The following KCNMB2 variants were observed in gnomAD, a reference collection of about 807,000 sequenced individuals.
KCNMB2 encodes the protein calcium-activated potassium channel subunit beta-2.
Under a neutral mutation model 24.5 loss-of-function variants are expected in KCNMB2, and 9 were observed. That is an observed-to-expected ratio of 0.37 (90% CI 0.22 to 0.64). KCNMB2 has a LOEUF of 0.64. KCNMB2 is among the 30% of genes least tolerant of loss of function. The probability of loss-of-function intolerance (pLI) is 0.63; values close to 1 mark genes in which losing one functional copy is unlikely to be tolerated. For synonymous variants in KCNMB2, 109 were observed against 104.4 expected (o/e 1.04, Z -0.27); for missense variants, 226 against 284.3 (o/e 0.79, Z 1.47).
intron 1 of KCNMB2, chr3:178,801,922 C>A (rs1238744323): frequency 6.6e-6 from 1 of 152,108 alleles, no homozygotes; most frequent in Non-Finnish European, 1.5e-5. Context: ...CCCCACAGTA[C>A]CTAGGACAGT....
At position 178,602,575 on chromosome 3, in the gene KCNMB2, G is replaced by T. The variant is rs1022700377; in HGVS notation, c.-68+65864G>T. On this transcript the variant is annotated intron_variant, in intron 1 of 4. Transcript: ENST00000452583. Reference sequence around the variant, plus strand: ...CTGGGTACTGGGAGGTTCGGGGGTGGGGGGGAGGAGTGATATGTAAGCAAA... The same window carrying T: ...CTGGGTACTGGGAGGTTCGGGGGTGTGGGGGAGGAGTGATATGTAAGCAAA... Among the ~76,000 whole-genome samples, 150 of 119,178 alleles carry T rather than the reference G, an allele frequency of 1.3e-3. 1 individual carries two copies. The highest frequency in any genetic ancestry group is 1.4e-3 in the Non-Finnish European group (71 of 49,910). The allele number at this position is 119,178 out of a possible 152,430, so 78.2% of individuals were successfully genotyped here.
intron 1 of KCNMB2, among the ~76,000 whole-genome samples, chr3:178,800,066 T>C (rs1313158715): frequency 6.6e-6 from 1 of 152,102 alleles, no homozygotes; most frequent in African/African-American, 2.4e-5. Flanking sequence ...TCTCAAACCA[T>C]GAAACCACTG....
intron 1 of KCNMB2, among the ~76,000 whole-genome samples, chr3:178,604,645 T>C (rs1031689584): frequency 2.0e-5 from 3 of 152,232 alleles, no homozygotes; most frequent in African/African-American, 7.2e-5. Context: ...TTTAAAATTA[T>C]GAAAATCCAG....
chr3:178,623,595 T>TAATAA lies in KCNMB2; in HGVS notation c.-68+86900_-68+86904dup, dbSNP rs1426988924. Among the ~76,000 whole-genome samples, 7 of 152,314 alleles carry TAATAA rather than the reference T, an allele frequency of 4.6e-5. No individual in the cohort carries two copies. In the South Asian group the frequency reaches 6.2e-4, roughly 14 times the overall value. On this transcript the variant is annotated intron_variant, in intron 1 of 4. Coordinates refer to ENST00000452583, the MANE Select transcript of KCNMB2 (RefSeq NM_181361.3). Reference sequence around the variant, plus strand: ...TCAAAGTGGTTCACTGCAGTTTAAATAATAAAATAAAATAAAATAAGCTTT... The same window carrying TAATAA: ...TCAAAGTGGTTCACTGCAGTTTAAATAATAAAATAAAATAAAATAAAATAAGCTTT...
At position 178,583,581 on chromosome 3, in the gene KCNMB2, T is replaced by C. The variant is rs1717294366; in HGVS notation, c.-68+46870T>C. Reference sequence around the variant, plus strand: ...TCATTGACTGGATCTTTTACAATGATGTCCTCAAGAAGATAGAATTTAAAA... The same window carrying C: ...TCATTGACTGGATCTTTTACAATGACGTCCTCAAGAAGATAGAATTTAAAA... On this transcript the variant is annotated intron_variant, in intron 1 of 4. Coordinates refer to ENST00000452583, the MANE Select transcript of KCNMB2 (RefSeq NM_181361.3). Among the ~76,000 whole-genome samples the C allele has an allele frequency of 2.6e-5, 4 of 152,190 alleles. No homozygotes were observed. In the South Asian group the frequency reaches 6.2e-4, roughly 24 times the overall value.
chr3:178,762,176 A>C (rs925317289), intron 1 of KCNMB2, among the ~76,000 whole-genome samples: 6 of 152,234 alleles, frequency 3.9e-5, no homozygotes, highest in African/African-American at 1.4e-4. Context: ...GTCTCAAAAA[A>C]AAACCAAAAA....
intron 1 of KCNMB2, among the ~76,000 whole-genome samples, chr3:178,724,283 T>C (rs1412608388): frequency 6.6e-6 from 1 of 152,116 alleles, no homozygotes; most frequent in Non-Finnish European, 1.5e-5. Flanking sequence ...TTTCACATGT[T>C]TGTCGGCCAC....
chr3:178,649,626 A>G (rs774909663), intron 1 of KCNMB2, among the ~76,000 whole-genome samples: 2 of 151,840 alleles, frequency 1.3e-5, no homozygotes, highest in East Asian at 1.9e-4. Flanking sequence ...GAATGTATCC[A>G]TTTCTTCTAG....
intron 1 of KCNMB2, among the ~76,000 whole-genome samples, chr3:178,742,863 A>G (rs1168118660): frequency 1.3e-5 from 2 of 152,174 alleles, no homozygotes; most frequent in South Asian, 2.1e-4. Context: ...ACACTGGCCA[A>G]TAAATATGCA....
chr3:178,543,424 C>T (rs1034325120), intron 1 of KCNMB2, among the ~76,000 whole-genome samples: 5 of 152,150 alleles, frequency 3.3e-5, no homozygotes, highest in African/African-American at 4.8e-5. Flanking sequence ...GAGAAACTGA[C>T]CAGGTGAATG....
At chr3:178,556,324 T>A (rs1716122742) in intron 1 of KCNMB2, among the ~76,000 whole-genome samples, 1 of 152,176 alleles carries the variant, frequency 6.6e-6, no homozygotes, top group Non-Finnish European at 1.5e-5. Flanking sequence ...AGAGAATAAA[T>A]CAATAATTTA....
intron 1 of KCNMB2, among the ~76,000 whole-genome samples, chr3:178,639,472 C>T (rs1333741279): frequency 1.3e-5 from 2 of 152,276 alleles, no homozygotes; most frequent in Middle Eastern, 3.4e-3. Flanking sequence ...GTTGTGTTAT[C>T]GTGAGCAAAG....
intron 1 of KCNMB2, among the ~76,000 whole-genome samples, chr3:178,796,134 C>G (rs1160929861): frequency 6.6e-6 from 1 of 151,800 alleles, no homozygotes; most frequent in African/African-American, 2.4e-5. Context: ...CTTACAGAAA[C>G]TTGGAAAAAG....
intron 1 of KCNMB2, among the ~76,000 whole-genome samples, chr3:178,589,532 G>T (rs990615567): frequency 2.0e-5 from 3 of 152,036 alleles, no homozygotes; most frequent in African/African-American, 7.3e-5. Context: ...AAGCTATAAT[G>T]CAGTAGTGCA....
At position 178,672,742 on chromosome 3, in the gene KCNMB2, C is replaced by G. The variant is rs1044515459; in HGVS notation, c.-67-134601C>G. 5.0e-4 allele frequency among the ~76,000 whole-genome samples: 76 copies of G among 152,142 alleles called. 1 individual carries two copies. The highest frequency in any genetic ancestry group is 1.8e-3 in the African/African-American group (75 of 41,422). Reference sequence around the variant, plus strand: ...CTTCAATATTTTTACTAGGGAAGTTCTTTAAATTCGTAGTGACTTCAGTGT... The same window carrying G: ...CTTCAATATTTTTACTAGGGAAGTTGTTTAAATTCGTAGTGACTTCAGTGT... On this transcript the variant is annotated intron_variant, in intron 1 of 4. Transcript: ENST00000452583.
chr3:178,631,099 T>A (rs2108537820), intron 1 of KCNMB2, among the ~76,000 whole-genome samples: 1 of 152,324 alleles, frequency 6.6e-6, no homozygotes, highest in Middle Eastern at 3.4e-3. Flanking sequence ...TGGAAGCTTA[T>A]CTATTAAAAG....
At chr3:178,623,301 T>C (rs1023744440) in intron 1 of KCNMB2, among the ~76,000 whole-genome samples, 9 of 152,366 alleles carry the variant, frequency 5.9e-5, no homozygotes, top group African/African-American at 1.9e-4. Flanking sequence ...TGTCAGAGTT[T>C]GTTTGATTAA....
At chr3:178,634,192 TG>T (rs1719430076) in intron 1 of KCNMB2, among the ~76,000 whole-genome samples, 1 of 152,204 alleles carries the variant, frequency 6.6e-6, no homozygotes, top group Non-Finnish European at 1.5e-5. Flanking sequence ...GCCCTTCAAA[TG>T]GTTCCCACCT....
intron 1 of KCNMB2, among the ~76,000 whole-genome samples, chr3:178,712,810 T>C (rs1722497436): frequency 1.3e-5 from 2 of 152,208 alleles, no homozygotes; most frequent in Admixed American, 1.3e-4. Context: ...TTTTGAGTGG[T>C]ATTTTATATT....
Sources: gnomAD v4.1 joint callset for allele counts (sites outside exome capture counted in the v4.1 genomes callset) on GRCh38, gnomAD v4.1.1 for gene constraint, MANE v1.5 for transcripts, NCBI Gene and HGNC (gene_info 2026-07-23, HGNC 2026-07-21) for gene names.